SNED1: variants seen among roughly 807,000 people sequenced by gnomAD.
SNED1 encodes the protein sushi, nidogen and EGF-like domain-containing protein 1.
In SNED1, 81 loss-of-function variants were observed where a neutral mutation model predicts 166.7. That is an observed-to-expected ratio of 0.49 (90% CI 0.41 to 0.58). The LOEUF is 0.58. Among genes scored for constraint, SNED1 ranks in the 20% least tolerant of loss-of-function variants. The probability of loss-of-function intolerance (pLI) is 0.00; values close to 1 mark genes in which losing one functional copy is unlikely to be tolerated. For synonymous variants in SNED1, 762 were observed against 822.0 expected (o/e 0.93, Z 1.25); for missense variants, 1,604 against 2,000.2 (o/e 0.80, Z 3.78).
chr2:241,053,810 T>C (rs2061955284), intron 16 of SNED1, among the ~76,000 whole-genome samples: 1 of 151,888 alleles, frequency 6.6e-6, no homozygotes, highest in Non-Finnish European at 1.5e-5. Context: ...GAGCTGGGAG[T>C]GCACAGCCTA....
At position 241,027,731 on chromosome 2, in the gene SNED1, C is replaced by CTTTTTTTTTTTTTTTTTTTT. The variant is rs1293401106; in HGVS notation, c.214-2552_214-2551insTTTTTTTTTTTTTTTTTTTT. ...CTTCACCAACCCTTGTTATTTTCTT[C>CTTTTTTTTTTTTTTTTTTTT]TGTTTTTTTTTTTTTTTTTTAAGGT... is the stretch of plus-strand genomic sequence containing the variant. On this transcript the variant is annotated intron_variant, in intron 1 of 31. Coordinates refer to ENST00000310397, the MANE Select transcript of SNED1 (RefSeq NM_001080437.3). 1.5e-5 allele frequency among the ~76,000 whole-genome samples: 2 copies of CTTTTTTTTTTTTTTTTTTTT among 137,288 alleles called. 1 individual carries two copies. The highest frequency in any genetic ancestry group is 3.1e-5 in the Non-Finnish European group (2 of 64,328). 90.1% of individuals were successfully genotyped at this position (137,288 alleles called of 152,430 possible). A position where few individuals can be genotyped will look rare whatever the true frequency, so the allele number is the denominator to read the frequency against.
At chr2:241,090,544 G>C (rs1456042686) in intron 31 of SNED1, 2 of 1,373,326 alleles carry the variant, frequency 1.5e-6, no homozygotes, top group Non-Finnish European at 1.9e-6. Context: ...GTATGTGCTA[G>C]ACTTCTATAC....
At chr2:241,024,642 C>CTTATTTTATT (rs1374900120) in intron 1 of SNED1, among the ~76,000 whole-genome samples, 2 of 71,378 alleles carry the variant, frequency 2.8e-5, no homozygotes, top group Non-Finnish European at 5.4e-5. Flanking sequence ...TTAATCATGC[C>CTTATTTTATT]TTATTTTATC....
At chr2:241,036,118 G>A (rs1261024360) in intron 4 of SNED1, among the ~76,000 whole-genome samples, 1 of 145,746 alleles carries the variant, frequency 6.9e-6, no homozygotes, top group African/African-American at 2.5e-5. Flanking sequence ...GAGTAGAGGC[G>A]CGCCACGGGG....
Position 241,030,389 on chromosome 2 carries a change from G to T in SNED1, c.319G>T (p.Asp107Tyr). The T allele has an allele frequency of 6.2e-7, 1 of 1,612,928 alleles. No individual in the cohort carries two copies. Among genetic ancestry groups the T allele is most frequent in the Non-Finnish European group, 8.5e-7 (1 of 1,179,512 alleles). ...CTGCGTGGTGGCAGCCTTCTGGGCA[G>T]ATGTGGACAACCGGCGTGCAGGCGA... ...DRCVVAAFWA[D>Y]VDNRRAGDVY... Residue 107 changes from aspartate to tyrosine, a missense_variant, in exon 2 of 32, where the codon GAT becomes TAT. Coordinates refer to ENST00000310397, the MANE Select transcript of SNED1 (RefSeq NM_001080437.3).
At chr2:241,085,419 AG>A (rs1421278867) in intron 29 of SNED1, among the ~76,000 whole-genome samples, 1 of 152,210 alleles carries the variant, frequency 6.6e-6, no homozygotes, top group Admixed American at 6.5e-5. Flanking sequence ...TATCATCTCC[AG>A]AAGTTTCATT....
At chr2:241,029,829 C>T (rs1051697652) in intron 1 of SNED1, among the ~76,000 whole-genome samples, 1 of 152,234 alleles carries the variant, frequency 6.6e-6, no homozygotes, top group East Asian at 1.9e-4. Context: ...GGCACCCCTC[C>T]CCGAAGCCCA....
Position 241,051,052 on chromosome 2 carries a change from G to A in SNED1, c.1736-692G>A, listed in dbSNP as rs1438798032. 1.3e-5 allele frequency among the ~76,000 whole-genome samples: 2 copies of A among 152,228 alleles called. No individual in the cohort carries two copies. Among genetic ancestry groups the A allele is most frequent in the Non-Finnish European group, 2.9e-5 (2 of 68,030 alleles). On this transcript the variant is annotated intron_variant, in intron 12 of 31. Transcript: ENST00000310397. This position sits in a 1 kb window ranked among gnomAD's most constrained non-coding sequence, Gnocchi z 4.7. Reference sequence around the variant, plus strand: ...CTCAGGGGTGGGGCAGCCAGAGCTTGGACCTGCAGCGTGGGATGGCTGGCA... The same window carrying A: ...CTCAGGGGTGGGGCAGCCAGAGCTTAGACCTGCAGCGTGGGATGGCTGGCA...
rs2062955169 is a variant in SNED1 at position 241,075,062 on chromosome 2, T to C, written c.3916+1698T>C. On this transcript the variant is annotated intron_variant, in intron 27 of 31. Transcript: ENST00000310397. The surrounding 1 kb of genome is among the most constrained non-coding windows in gnomAD (Gnocchi z 4.8). ...TTCACTCCGCATTCTCGGACTGAGG[T>C]TGGCCCATGCGGTCTGGGCGGCTGC... is the stretch of plus-strand genomic sequence containing the variant. 1 of 152,244 alleles carries C rather than the reference T, an allele frequency of 6.6e-6. No homozygotes were observed. The highest frequency in any genetic ancestry group is 2.1e-4 in the South Asian group (1 of 4,834). The allele number at this position is 152,244 out of a possible 1,614,324, so 9.4% of individuals were successfully genotyped here.
Position 241,051,458 on chromosome 2 carries a change from G to T in SNED1, c.1736-286G>T. ...CTGCGCCCGCTGCAGTGTTGGGGCC[G>T]GTTCTCCACAGGAAGGGCCCAGCCA... On this transcript the variant is annotated intron_variant, in intron 12 of 31. Transcript: ENST00000310397. This position sits in a 1 kb window ranked among gnomAD's most constrained non-coding sequence, Gnocchi z 4.7. The T allele has an allele frequency of 2.9e-6, 1 of 344,906 alleles. No individual in the cohort carries two copies. The highest frequency in any genetic ancestry group is 5.2e-6 in the Non-Finnish European group (1 of 191,310). The allele number at this position is 344,906 out of a possible 1,614,324, so 21.4% of individuals were successfully genotyped here.
chr2:241,036,001 G>GGGTGGGTGGGGGGT (rs2061347648), intron 4 of SNED1, among the ~76,000 whole-genome samples: 1 of 107,744 alleles, frequency 9.3e-6, no homozygotes, highest in African/African-American at 3.6e-5. Context: ...GCGCGTCACG[G>GGGTGGGTGGGGGGT]GGAGGGGAGT....
At chr2:241,028,404 A>G (rs2061051992) in intron 1 of SNED1, among the ~76,000 whole-genome samples, 1 of 152,130 alleles carries the variant, frequency 6.6e-6, no homozygotes, top group Non-Finnish European at 1.5e-5. Context: ...GTTTCTTCTA[A>G]GAGTTTTACA....
intron 1 of SNED1, among the ~76,000 whole-genome samples, chr2:241,021,459 C>T (rs1469239677): frequency 6.6e-6 from 1 of 152,226 alleles, no homozygotes; most frequent in African/African-American, 2.4e-5. Flanking sequence ...CCCCCATCCA[C>T]TGCAGCTCCA....
intron 1 of SNED1, chr2:241,016,161 T>A (rs2060580732): frequency 7.3e-6 from 1 of 136,582 alleles, no homozygotes; most frequent in African/African-American, 2.9e-5. Context: ...GCTGTGTTCC[T>A]AACAAAAGCC....
rs753651007 is a variant in SNED1, at chr2:241,036,840, G to A, written c.856G>A (p.Asp286Asn). ...RPCLNGGKCI[D>N]DCVTGNPSYT... ...CTGCCTCAACGGCGGCAAGTGCATC[G>A]ACGACTGCGTCACGGGCAACCCCTC... The change falls in exon 5 of 32, where the codon GAC becomes AAC. Residue 286 changes from aspartate to asparagine, a missense_variant. Around this residue, in one of 2 missense-constraint regions of SNED1, gnomAD observed 1,237 missense variants for 1,620.8 expected, o/e 0.76. Coordinates refer to ENST00000310397, the MANE Select transcript of SNED1 (RefSeq NM_001080437.3). 13 of 1,611,386 alleles carry A rather than the reference G, an allele frequency of 8.1e-6. No homozygotes were observed. The East Asian group carries it at 1.6e-4, about 19-fold the overall frequency.
At chr2:241,027,488 G>C (rs1421377475) in intron 1 of SNED1, among the ~76,000 whole-genome samples, 6 of 152,186 alleles carry the variant, frequency 3.9e-5, no homozygotes, top group Non-Finnish European at 7.3e-5. Context: ...CCAGCTGTTA[G>C]CTATTGTGAA....
chr2:241,060,553 T>A (rs971634982), intron 16 of SNED1, among the ~76,000 whole-genome samples: 1 of 152,194 alleles, frequency 6.6e-6, no homozygotes, highest in African/African-American at 2.4e-5. Flanking sequence ...TGGAATACAA[T>A]GGTTTTGTAC....
intron 1 of SNED1, among the ~76,000 whole-genome samples, chr2:241,020,917 C>A (rs1247869506): frequency 1.3e-5 from 2 of 152,178 alleles, no homozygotes; most frequent in African/African-American, 4.8e-5. Context: ...CCCCTGACAC[C>A]ACAGGACGGG....
Position 241,068,854 on chromosome 2 carries a change from G to A in SNED1, c.3195-57G>A. The A allele has an allele frequency of 8.1e-7, 1 of 1,238,010 alleles. No individual in the cohort carries two copies. The highest frequency in any genetic ancestry group is 1.5e-5 in the African/African-American group (1 of 66,472). The allele number at this position is 1,238,010 out of a possible 1,614,324, so 76.7% of individuals were successfully genotyped here. On this transcript the variant is annotated intron_variant, in intron 22 of 31. Coordinates refer to ENST00000310397, the MANE Select transcript of SNED1 (RefSeq NM_001080437.3). This position sits in a 1 kb window ranked among gnomAD's most constrained non-coding sequence, Gnocchi z 5.3. ...CTGGGGGAGCTGCGGTCTGGCAGCA[G>A]AGTCACACACAGGTCCCAGACATCC... is the stretch of plus-strand genomic sequence containing the variant.
Sources: allele counts gnomAD v4.1 joint callset (sites outside exome capture counted in the v4.1 genomes callset), GRCh38; gene constraint gnomAD v4.1.1; regional missense constraint gnomAD v4.1.1; non-coding constraint Gnocchi (gnomAD v3.1); transcripts MANE v1.5; gene names NCBI Gene and HGNC (gene_info 2026-07-23, HGNC 2026-07-21).